PLCB1: variants seen among roughly 807,000 people sequenced by gnomAD.
PLCB1 encodes phospholipase C beta 1.
PLCB1 carries 46 observed loss-of-function variants against 161.8 expected under a neutral mutation model. That is an observed-to-expected ratio of 0.28 (90% confidence interval 0.22 to 0.36). PLCB1 has a LOEUF of 0.36. Among genes scored for constraint, PLCB1 ranks in the 10% least tolerant of loss-of-function variants. PLCB1 has a pLI of 1.00. For missense variants in PLCB1, 1,016 were observed against 1,472.5 expected (o/e 0.69, Z 5.07); for synonymous variants, 517 against 503.7 (o/e 1.03, Z -0.35).
intron 3 of PLCB1, among the ~76,000 whole-genome samples, chr20:8,421,799 C>T (rs1482310893): frequency 1.3e-5 from 2 of 152,144 alleles, no homozygotes; most frequent in Non-Finnish European, 2.9e-5. Flanking sequence ...ATTAGAAATG[C>T]CAGTTCTCAG....
Position 8,811,113 on chromosome 20 carries a change from TC to T in PLCB1, c.3423+20856del, listed in dbSNP as rs546614412. 1.3e-4 allele frequency among the ~76,000 whole-genome samples: 20 copies of T among 152,308 alleles called. 1 individual carries two copies. In the South Asian group the frequency reaches 4.1e-3, roughly 32 times the overall value. On this transcript the variant is annotated intron_variant, in intron 31 of 31. Coordinates refer to ENST00000338037, the MANE Select transcript of PLCB1 (RefSeq NM_015192.4). ...CAGTGCATGAGTATGAAGGGCATGA[TC>T]CCCAGTGTCTAAAGTTGGTGAATGC...
intron 2 of PLCB1, among the ~76,000 whole-genome samples, chr20:8,242,206 G>C (rs1980651306): frequency 6.6e-6 from 1 of 151,410 alleles, no homozygotes. Flanking sequence ...TGGCTTATTT[G>C]CTCTACCCAG....
chr20:8,766,153 G>T (rs1437870478), intron 26 of PLCB1, among the ~76,000 whole-genome samples: 3 of 152,122 alleles, frequency 2.0e-5, no homozygotes, highest in Non-Finnish European at 4.4e-5. Flanking sequence ...TTTTTTGAGT[G>T]CCTACTGTGC....
intron 14 of PLCB1, among the ~76,000 whole-genome samples, chr20:8,718,370 C>T (rs1378881023): frequency 6.6e-6 from 1 of 152,184 alleles, no homozygotes; most frequent in Non-Finnish European, 1.5e-5. Flanking sequence ...TCCTGTAAGT[C>T]AGGAAGCCCC....
intron 2 of PLCB1, among the ~76,000 whole-genome samples, chr20:8,299,494 G>A (rs993297128): frequency 2.0e-5 from 3 of 152,012 alleles, no homozygotes; most frequent in African/African-American, 7.3e-5. Flanking sequence ...TCAATCTCAT[G>A]GATGGAAACA....
At chr20:8,755,426 A>G (rs1206573428) in intron 23 of PLCB1, among the ~76,000 whole-genome samples, 1 of 152,224 alleles carries the variant, frequency 6.6e-6, no homozygotes, top group Non-Finnish European at 1.5e-5. Context: ...GAACATTGGG[A>G]TAGCCTCATT....
At chr20:8,349,720 T>G (rs1016050432) in intron 2 of PLCB1, among the ~76,000 whole-genome samples, 3 of 152,168 alleles carry the variant, frequency 2.0e-5, no homozygotes, top group African/African-American at 7.2e-5. Flanking sequence ...AGAATGGTGG[T>G]TGTTGCAGGG....
At chr20:8,585,788 C>T (rs1475314123) in intron 3 of PLCB1, among the ~76,000 whole-genome samples, 1 of 152,166 alleles carries the variant, frequency 6.6e-6, no homozygotes, top group African/African-American at 2.4e-5. Context: ...TCCAAGTGAC[C>T]AAATAGTATC....
chr20:8,419,770 A>G (rs373166390), intron 3 of PLCB1, among the ~76,000 whole-genome samples: 1 of 152,216 alleles, frequency 6.6e-6, no homozygotes, highest in Non-Finnish European at 1.5e-5. Flanking sequence ...GTGATTTTAC[A>G]TGGAGGCAAT....
At chr20:8,326,834 G>A (rs1239539705) in intron 2 of PLCB1, among the ~76,000 whole-genome samples, 2 of 152,142 alleles carry the variant, frequency 1.3e-5, no homozygotes, top group Admixed American at 6.6e-5. Context: ...CTAGAATGTT[G>A]ACAGGGCTGC....
At chr20:8,307,689 G>C (rs1315567640) in intron 2 of PLCB1, among the ~76,000 whole-genome samples, 1 of 152,132 alleles carries the variant, frequency 6.6e-6, no homozygotes, top group African/African-American at 2.4e-5. Flanking sequence ...GGGAGGCCGA[G>C]GTGGGTGGAT....
chr20:8,503,710 G>C (rs1378512538), intron 3 of PLCB1, among the ~76,000 whole-genome samples: 1 of 152,038 alleles, frequency 6.6e-6, no homozygotes. Flanking sequence ...TGGATGTTAG[G>C]ATCTGGGCTA....
In PLCB1 at chr20:8,132,778, G is replaced by T. The variant is rs766791532; in HGVS notation, c.99+28G>T. 1.3e-6 allele frequency: 2 copies of T among 1,543,780 alleles called. No individual in the cohort carries two copies. On this transcript the variant is annotated intron_variant, in intron 1 of 31. Transcript: ENST00000338037. This position sits in a 1 kb window ranked among gnomAD's most constrained non-coding sequence, Gnocchi z 5.2. ...AAGTATTGGGGCGGCCCGAGTCGGG[G>T]CGCTGGCTCGGGCACCGGGCAGGGC...
chr20:8,530,371 T>TA (rs1984757486), intron 3 of PLCB1, among the ~76,000 whole-genome samples: 3 of 152,142 alleles, frequency 2.0e-5, no homozygotes, highest in Admixed American at 6.6e-5. Flanking sequence ...AACTACATCT[T>TA]ACAAGCTTTG....
At chr20:8,684,096 G>A (rs569180761) in intron 9 of PLCB1, among the ~76,000 whole-genome samples, 92 of 152,118 alleles carry the variant, frequency 6.0e-4, no homozygotes, top group Non-Finnish European at 1.2e-3. Flanking sequence ...GTGTTAGCCA[G>A]GATGGTCTCG....
intron 3 of PLCB1, among the ~76,000 whole-genome samples, chr20:8,461,930 G>A (rs1981595525): frequency 6.6e-6 from 1 of 151,914 alleles, no homozygotes; most frequent in African/African-American, 2.4e-5. Context: ...ATTCCAATTT[G>A]CTGAATACAT....
intron 2 of PLCB1, among the ~76,000 whole-genome samples, chr20:8,340,466 A>G (rs1985758788): frequency 6.6e-6 from 1 of 152,146 alleles, no homozygotes. Flanking sequence ...TCTGTCGCCC[A>G]GGCTGGAGTG....
At chr20:8,435,282 G>A (rs566863276) in intron 3 of PLCB1, among the ~76,000 whole-genome samples, 7 of 152,276 alleles carry the variant, frequency 4.6e-5, no homozygotes, top group South Asian at 4.1e-4. Flanking sequence ...AATCCCATCC[G>A]TTGGTGTCCA....
intron 1 of PLCB1, among the ~76,000 whole-genome samples, chr20:8,145,994 G>A (rs2051449086): frequency 6.6e-6 from 1 of 152,116 alleles, no homozygotes; most frequent in Admixed American, 6.5e-5. Context: ...TCCTGTACTG[G>A]ACAGCACCAG....
Sources: gnomAD v4.1 joint callset for allele counts (sites outside exome capture counted in the v4.1 genomes callset) on GRCh38, gnomAD v4.1.1 for gene constraint, Gnocchi (gnomAD v3.1) non-coding constraint, MANE v1.5 for transcripts, NCBI Gene and HGNC (gene_info 2026-07-23, HGNC 2026-07-21) for gene names.